The following CCSER1 variants were observed in gnomAD, a reference collection of about 807,000 sequenced individuals.
CCSER1 encodes the protein serine-rich coiled-coil domain-containing protein 1.
Under a neutral mutation model 82.0 loss-of-function variants are expected in CCSER1, and 41 were observed. The ratio of observed to expected loss-of-function variants is 0.50; its 90% CI spans 0.39 to 0.65. The LOEUF (loss-of-function observed/expected upper bound fraction) is 0.65. Ranked by LOEUF, CCSER1 falls within the 30% of genes least tolerant of loss-of-function variation. The pLI is 0.00. For missense variants in CCSER1, 1,119 were observed against 1,064.2 expected, an observed-to-expected ratio of 1.05 and a Z score of -0.72; for synonymous variants, 414 against 383.9, an observed-to-expected ratio of 1.08 and a Z score of -0.92.
intron 5 of CCSER1, among the ~76,000 whole-genome samples, chr4:90,587,695 T>A (rs1219996904): frequency 6.6e-6 from 1 of 152,224 alleles, no homozygotes; most frequent in Non-Finnish European, 1.5e-5. Flanking sequence ...TTTTACCACT[T>A]AAGTTGCTTT....
intron 9 of CCSER1, among the ~76,000 whole-genome samples, chr4:91,040,062 A>G (rs2150575160): frequency 6.6e-6 from 1 of 152,284 alleles, no homozygotes; most frequent in Middle Eastern, 3.4e-3. Context: ...AGACAAAGCA[A>G]TAAGGGAGTA....
At chr4:90,465,455 G>A (rs989202971) in intron 4 of CCSER1, among the ~76,000 whole-genome samples, 1 of 151,812 alleles carries the variant, frequency 6.6e-6, no homozygotes, top group Non-Finnish European at 1.5e-5. Flanking sequence ...TGAGTAGCTG[G>A]GACTACAGAC....
chr4:90,404,392 G>A (rs1753396226), intron 4 of CCSER1, among the ~76,000 whole-genome samples: 1 of 152,068 alleles, frequency 6.6e-6, no homozygotes, highest in Non-Finnish European at 1.5e-5. Flanking sequence ...CTCCCTGGTG[G>A]CCTAAGACAA....
At chr4:91,225,256 A>C (rs945450946) in intron 10 of CCSER1, among the ~76,000 whole-genome samples, 2 of 138,496 alleles carry the variant, frequency 1.4e-5, no homozygotes, top group African/African-American at 5.3e-5. Flanking sequence ...ATACATATAC[A>C]TGTATATAAT....
At chr4:91,169,886 G>A (rs766669252) in intron 10 of CCSER1, among the ~76,000 whole-genome samples, 1 of 152,112 alleles carries the variant, frequency 6.6e-6, no homozygotes, top group Non-Finnish European at 1.5e-5. Flanking sequence ...TATTGATAAA[G>A]TCAATATGCT....
chr4:90,915,708 A>T (rs993130026), intron 8 of CCSER1, among the ~76,000 whole-genome samples: 13 of 118,056 alleles, frequency 1.1e-4, no homozygotes, highest in Non-Finnish European at 2.2e-4. Flanking sequence ...TCAATTAGGA[A>T]AGGAGGAAGT....
intron 9 of CCSER1, among the ~76,000 whole-genome samples, chr4:91,078,047 C>T (rs890563884): frequency 6.6e-6 from 1 of 152,240 alleles, no homozygotes; most frequent in Non-Finnish European, 1.5e-5. Flanking sequence ...GCAGCAGAAA[C>T]TTCTGCAGAC....
intron 5 of CCSER1, among the ~76,000 whole-genome samples, chr4:90,469,559 A>G (rs1055107667): frequency 1.8e-4 from 27 of 151,330 alleles, no homozygotes; most frequent in East Asian, 1.4e-3. Flanking sequence ...ACACACACAC[A>G]CACACACATT....
intron 5 of CCSER1, among the ~76,000 whole-genome samples, chr4:90,481,189 A>G (rs939481162): frequency 6.6e-6 from 1 of 152,026 alleles, no homozygotes; most frequent in African/African-American, 2.4e-5. Flanking sequence ...ATTGGTGCAT[A>G]AGAATGCTTG....
At chr4:90,883,988 G>GA (rs1265732936) in intron 8 of CCSER1, among the ~76,000 whole-genome samples, 8 of 152,156 alleles carry the variant, frequency 5.3e-5, no homozygotes, top group African/African-American at 1.9e-4. Flanking sequence ...GTAACTGAGT[G>GA]ACATGTGAAG....
chr4:91,570,676 G>C (rs1763131405), intron 10 of CCSER1, among the ~76,000 whole-genome samples: 2 of 152,188 alleles, frequency 1.3e-5, no homozygotes, highest in South Asian at 4.1e-4. Context: ...GCATAGAACA[G>C]AGTGGCTTTG....
At chr4:91,310,412 A>AT (rs1745386417) in intron 10 of CCSER1, among the ~76,000 whole-genome samples, 1 of 151,544 alleles carries the variant, frequency 6.6e-6, no homozygotes, top group Non-Finnish European at 1.5e-5. Flanking sequence ...AAAAAAAAAA[A>AT]AATCTCATAA....
At chr4:90,775,615 T>C (rs1752792491) in intron 7 of CCSER1, among the ~76,000 whole-genome samples, 1 of 152,232 alleles carries the variant, frequency 6.6e-6, no homozygotes, top group Admixed American at 6.5e-5. Context: ...AGAAGTGACT[T>C]ATAAATATGT....
intron 5 of CCSER1, among the ~76,000 whole-genome samples, chr4:90,516,971 G>T (rs1772370560): frequency 6.6e-6 from 1 of 152,120 alleles, no homozygotes; most frequent in Non-Finnish European, 1.5e-5. Context: ...TGGTGGCTTT[G>T]ATTACAGATG....
chr4:90,750,654 G>T (rs1748465072), intron 7 of CCSER1, among the ~76,000 whole-genome samples: 1 of 152,040 alleles, frequency 6.6e-6, no homozygotes, highest in Non-Finnish European at 1.5e-5. Flanking sequence ...GAGATATTTA[G>T]TATTAATGTT....
intron 9 of CCSER1, among the ~76,000 whole-genome samples, chr4:90,936,483 G>T (rs1421239234): frequency 6.6e-6 from 1 of 151,788 alleles, no homozygotes; most frequent in African/African-American, 2.4e-5. Context: ...AGTTTTTTTT[G>T]TCCACTTCAC....
At chr4:90,260,778 C>T (rs1460585690) in intron 1 of CCSER1, among the ~76,000 whole-genome samples, 1 of 152,184 alleles carries the variant, frequency 6.6e-6, no homozygotes, top group Non-Finnish European at 1.5e-5. Context: ...TGCAATGGCA[C>T]TATTTTGGCT....
chr4:90,904,612 G>A (rs1486093983), intron 8 of CCSER1, among the ~76,000 whole-genome samples: 2 of 152,138 alleles, frequency 1.3e-5, no homozygotes, highest in African/African-American at 4.8e-5. Flanking sequence ...TGTGTCATGA[G>A]TGGAGGAAGG....
chr4:91,311,803 C>G (rs1406320), intron 10 of CCSER1, among the ~76,000 whole-genome samples: 117,338 of 151,768 alleles, frequency 0.77, 45,475 homozygotes, highest in Middle Eastern at 0.84. Flanking sequence ...ACAATTAATC[C>G]AGGAATGCAC....
Sources: gnomAD v4.1 joint callset for allele counts (sites outside exome capture counted in the v4.1 genomes callset) on GRCh38, gnomAD v4.1.1 for gene constraint, MANE v1.5 for transcripts, NCBI Gene and HGNC (gene_info 2026-07-23, HGNC 2026-07-21) for gene names.